The following TRIO variants were observed in gnomAD, a reference collection of about 807,000 sequenced individuals.
TRIO encodes triple functional domain protein.
A neutral mutation model predicts 351.9 loss-of-function variants in TRIO; 58 were observed. The observed-to-expected ratio is 0.16, with a 90% CI of 0.13 to 0.21. The LOEUF is 0.21. TRIO is among the 10% of genes least tolerant of loss of function. The pLI is 1.00. For synonymous variants in TRIO, 1,758 were observed against 1,595.7 expected (o/e 1.10, Z -2.42); for missense variants, 3,201 against 4,027.8 (o/e 0.79, Z 5.56).
At position 14,430,912 on chromosome 5, in the gene TRIO, A is replaced by G. The variant is rs182281634; in HGVS notation, c.5203+10891A>G. ...TTTTAAATGGAGGCGGAGTTTCACT[A>G]TGTTGGCCAGGCGGGTCTTGAACTC... On this transcript the variant is annotated intron_variant, in intron 34 of 56. Coordinates refer to ENST00000344204, the MANE Select transcript of TRIO (RefSeq NM_007118.4). Among the ~76,000 whole-genome samples the G allele has an allele frequency of 4.1e-4, 62 of 152,080 alleles. No homozygotes were observed. The Middle Eastern group carries it at 0.014, about 33-fold the overall frequency.
chr5:14,296,783 G>T (rs1242507111), intron 6 of TRIO, among the ~76,000 whole-genome samples: 1 of 152,192 alleles, frequency 6.6e-6, no homozygotes, highest in Non-Finnish European at 1.5e-5. Context: ...TAGTATATTT[G>T]TGTGCACCCA....
chr5:14,427,193 A>C lies in TRIO; in HGVS notation c.5203+7172A>C, dbSNP rs544580123. On this transcript the variant is annotated intron_variant, in intron 34 of 56. Transcript: ENST00000344204. Reference sequence around the variant, plus strand: ...CCCTCCAGGACTGCCTCCTCACCCCACCCCTTTCTGCAGCTCCTCATCTAA... The same window carrying C: ...CCCTCCAGGACTGCCTCCTCACCCCCCCCCTTTCTGCAGCTCCTCATCTAA... Among the ~76,000 whole-genome samples the C allele has an allele frequency of 3.0e-3, 447 of 151,316 alleles. 2 individuals are homozygous for C. Among genetic ancestry groups the C allele is most frequent in the Middle Eastern group, 0.01 (3 of 294 alleles).
At chr5:14,450,129 C>G (rs867371276) in intron 34 of TRIO, among the ~76,000 whole-genome samples, 1 of 152,082 alleles carries the variant, frequency 6.6e-6, no homozygotes, top group Non-Finnish European at 1.5e-5. Context: ...GTACATGTGA[C>G]TTCCGTTGGC....
At chr5:14,409,393 A>T (rs1199447460) in intron 33 of TRIO, among the ~76,000 whole-genome samples, 1 of 151,724 alleles carries the variant, frequency 6.6e-6, no homozygotes, top group Non-Finnish European at 1.5e-5. Context: ...AAAAAAAAAA[A>T]GCAAATTTTA....
At chr5:14,160,677 G>A (rs1788392388) in intron 1 of TRIO, among the ~76,000 whole-genome samples, 1 of 152,230 alleles carries the variant, frequency 6.6e-6, no homozygotes, top group East Asian at 1.9e-4. Flanking sequence ...AGGTGGAAAT[G>A]AAATTTGAGA....
At chr5:14,482,949 G>A (rs1203738207) in intron 46 of TRIO, among the ~76,000 whole-genome samples, 176 bp downstream of exon 46, 1 of 152,160 alleles carries the variant, frequency 6.6e-6, no homozygotes, top group Non-Finnish European at 1.5e-5. Flanking sequence ...CTGTGTTCTT[G>A]AGTGGCTGAT....
At chr5:14,211,590 G>GTTTTTTTTTTTTT (rs33992664) in intron 1 of TRIO, among the ~76,000 whole-genome samples, 1 of 120,070 alleles carries the variant, frequency 8.3e-6, no homozygotes, top group African/African-American at 3.2e-5. Flanking sequence ...ACACTCAGTT[G>GTTTTTTTTTTTTT]TTTTTTTTTT....
chr5:14,159,931 T>C (rs1007827598), intron 1 of TRIO, among the ~76,000 whole-genome samples: 7 of 152,216 alleles, frequency 4.6e-5, no homozygotes, highest in African/African-American at 1.4e-4. Flanking sequence ...ACATAGAGTA[T>C]GTTGTTAGAC....
chr5:14,412,278 A>G (rs1749270986), intron 33 of TRIO, among the ~76,000 whole-genome samples: 3 of 152,124 alleles, frequency 2.0e-5, no homozygotes, highest in Non-Finnish European at 1.5e-5. Context: ...GTGAGCCACC[A>G]TGCCCGGCCA....
intron 11 of TRIO, among the ~76,000 whole-genome samples, chr5:14,343,243 G>A (rs982344883): frequency 1.3e-5 from 2 of 152,126 alleles, no homozygotes; most frequent in Non-Finnish European, 2.9e-5. Context: ...CACTTTCCGC[G>A]AGGTTTAGAT....
At chr5:14,330,271 A>G (rs1444157107) in intron 9 of TRIO, among the ~76,000 whole-genome samples, 1 of 152,236 alleles carries the variant, frequency 6.6e-6, no homozygotes, top group Non-Finnish European at 1.5e-5. Context: ...TCCAAGCTCA[A>G]GACTGAGGCA....
intron 1 of TRIO, among the ~76,000 whole-genome samples, chr5:14,148,296 G>GT (rs1787631616): frequency 6.6e-6 from 1 of 152,124 alleles, no homozygotes; most frequent in Non-Finnish European, 1.5e-5. Context: ...CCTTTTAAAT[G>GT]TTACGATAAA....
chr5:14,437,970 G>A (rs901480661), intron 34 of TRIO, among the ~76,000 whole-genome samples: 17 of 152,090 alleles, frequency 1.1e-4, no homozygotes, highest in Admixed American at 3.3e-4. Context: ...AGAGACAAAC[G>A]TTATGTCCTT....
intron 1 of TRIO, among the ~76,000 whole-genome samples, chr5:14,242,898 G>T (rs1794212299): frequency 6.6e-6 from 1 of 152,164 alleles, no homozygotes; most frequent in Non-Finnish European, 1.5e-5. Flanking sequence ...GGAAACACAG[G>T]CCCTGCCTTC....
rs754219975 is a variant in TRIO, at chr5:14,363,713, C to CTTAA, written c.2392-18_2392-15dup. ...GCATGTATATTTTTTTTGTCTTGAT[C>CTTAA]TTAAATACCTTCTTTCAGATTATCT... On this transcript the variant is annotated intron_variant, in intron 13 of 56. Transcript: ENST00000344204. 3 of 1,605,152 alleles carry CTTAA rather than the reference C, an allele frequency of 1.9e-6. No homozygotes were observed. In the African/African-American group the frequency reaches 4.0e-5, roughly 22 times the overall value.
intron 28 of TRIO, among the ~76,000 whole-genome samples, chr5:14,395,116 C>G (rs1484152461): frequency 6.6e-6 from 1 of 152,168 alleles, no homozygotes; most frequent in African/African-American, 2.4e-5. Flanking sequence ...TGCTGGAACT[C>G]TTCTTTACCC....
intron 11 of TRIO, among the ~76,000 whole-genome samples, chr5:14,348,671 G>C (rs1031185468): frequency 2.8e-5 from 4 of 144,398 alleles, no homozygotes; most frequent in African/African-American, 1.2e-4. Flanking sequence ...GTGTATATGT[G>C]TGTGTACGCA....
chr5:14,483,824 T>G (rs1374621377), intron 46 of TRIO, among the ~76,000 whole-genome samples: 2 of 152,314 alleles, frequency 1.3e-5, no homozygotes, highest in East Asian at 1.9e-4. Flanking sequence ...GCACAGACCC[T>G]CTGGGCTCAC....
chr5:14,221,611 T>C (rs1792626413), intron 1 of TRIO, among the ~76,000 whole-genome samples: 1 of 152,214 alleles, frequency 6.6e-6, no homozygotes, highest in Non-Finnish European at 1.5e-5. Flanking sequence ...AGCACTTCAG[T>C]GGAAGAAGTA....
Sources: allele counts gnomAD v4.1 joint callset (sites outside exome capture counted in the v4.1 genomes callset), GRCh38; gene constraint gnomAD v4.1.1; transcripts MANE v1.5; gene names NCBI Gene and HGNC (gene_info 2026-07-23, HGNC 2026-07-21).